The following ZBED6 variants were observed in gnomAD, a reference collection of about 807,000 sequenced individuals.
ZBED6 encodes zinc finger BED-type containing 6.
A neutral mutation model predicts 58.4 loss-of-function variants in ZBED6; 40 were observed. The observed-to-expected ratio is 0.68, with a 90% CI of 0.53 to 0.89. The LOEUF (loss-of-function observed/expected upper bound fraction) is 0.89. Ranked by LOEUF, ZBED6 falls within the 40% of genes least tolerant of loss-of-function variation. ZBED6 has a pLI of 0.00. For synonymous variants in ZBED6, 439 were observed against 350.6 expected, an observed-to-expected ratio of 1.25 and a Z score of -2.82; for missense variants, 1,057 against 1,003.9, an observed-to-expected ratio of 1.05 and a Z score of -0.71.
chr1:203,839,281 G>A (rs1685341043), intron 10 of ZBED6, among the ~76,000 whole-genome samples: 1 of 152,180 alleles, frequency 6.6e-6, no homozygotes, highest in Non-Finnish European at 1.5e-5. Flanking sequence ...CTGGCCTCAA[G>A]CCATCCTTCT....
At chr1:203,845,474 T>G (rs1018317359) in intron 11 of ZBED6, among the ~76,000 whole-genome samples, 2 of 152,202 alleles carry the variant, frequency 1.3e-5, no homozygotes, top group Admixed American at 6.5e-5. Context: ...ATGAAGTCTT[T>G]AGTGTGGTTG....
chr1:203,840,114 A>G (rs1326804793), intron 10 of ZBED6, among the ~76,000 whole-genome samples, 192 bp from the exon 11 acceptor site: 1 of 149,290 alleles, frequency 6.7e-6, no homozygotes, highest in Non-Finnish European at 1.5e-5. Flanking sequence ...AATTTTTGCA[A>G]TTTTAGTAGA....
chr1:203,796,131 G>T (rs1042354508), exon 1 of ZBED6: 3 of 233,344 alleles, frequency 1.3e-5, no homozygotes, highest in Non-Finnish European at 2.5e-5. Flanking sequence ...GGAGCCCGGA[G>T]CAGCCCCGAA....
At chr1:203,841,257 CAT>C (rs1184937342) in intron 11 of ZBED6, among the ~76,000 whole-genome samples, 1 of 151,014 alleles carries the variant, frequency 6.6e-6, no homozygotes, top group Non-Finnish European at 1.5e-5. Context: ...AGCAGATAAA[CAT>C]GTGAACAAGG....
intron 1 of ZBED6, among the ~76,000 whole-genome samples, chr1:203,804,958 C>CT (rs1467185748): frequency 6.6e-6 from 1 of 151,924 alleles, no homozygotes; most frequent in Non-Finnish European, 1.5e-5. Flanking sequence ...CAGGCGTGAG[C>CT]TATTGTGCCC....
chr1:203,837,448 G>A (rs1558132357), intron 9 of ZBED6, among the ~76,000 whole-genome samples: 1 of 149,064 alleles, frequency 6.7e-6, no homozygotes, highest in African/African-American at 2.5e-5. Context: ...TCTTTCCCTT[G>A]TCTCTCTTTT....
intron 9 of ZBED6, chr1:203,835,762 A>T (rs1443110622): frequency 8.3e-6 from 2 of 241,834 alleles, no homozygotes; most frequent in African/African-American, 4.6e-5. Context: ...TTTGCTTTGT[A>T]TACATAAGCA....
intron 3 of ZBED6, among the ~76,000 whole-genome samples, chr1:203,821,989 C>T (rs1462853841): frequency 6.6e-6 from 1 of 152,080 alleles, no homozygotes; most frequent in Non-Finnish European, 1.5e-5. Flanking sequence ...GATCTGCTGA[C>T]CTCGTGATCC....
rs1395901476 is a variant in ZBED6 at position 203,821,508 on chromosome 1, ATTC to A, written c.*2873+2822_*2873+2824del. Among the ~76,000 whole-genome samples, 3 of 152,110 alleles carry A rather than the reference ATTC, an allele frequency of 2.0e-5. No individual in the cohort carries two copies. In the East Asian group the frequency reaches 5.8e-4, roughly 29 times the overall value. The stretch of plus-strand genomic sequence containing the variant: ...TTTGTGTTCTTTTGATGTTTCCATC[ATTC>A]TTTGAGCATCTCTGCTTTTTGGCCT... On this transcript the variant is annotated intron_variant, in intron 3 of 16. Coordinates refer to ENST00000550078, the Ensembl canonical transcript of ZBED6.
exon 17 of ZBED6, chr1:203,853,890 T>C (rs1200466119): frequency 6.5e-6 from 1 of 152,676 alleles, no homozygotes; most frequent in African/African-American, 2.4e-5. Flanking sequence ...AGAGGTAGAA[T>C]GTTCAGGTTT....
chr1:203,803,397 G>T (rs1233152571), intron 1 of ZBED6, among the ~76,000 whole-genome samples: 4 of 152,026 alleles, frequency 2.6e-5, no homozygotes, highest in Non-Finnish European at 5.9e-5. Context: ...CACCATCTTG[G>T]CCAGGCTGGT....
intron 12 of ZBED6, 21 bp from the exon 13 acceptor site, chr1:203,848,310 A>G: frequency 6.3e-7 from 1 of 1,582,616 alleles, no homozygotes; most frequent in South Asian, 1.2e-5. Flanking sequence ...ATAACTAATG[A>G]TGTCTTTAAT....
At chr1:203,798,718 C>T in exon 1 of ZBED6, 3 of 1,536,010 alleles carry the variant, frequency 2.0e-6, no homozygotes, top group Non-Finnish European at 2.6e-6. Context: ...GAGAGAGAAA[C>T]AACATGTTGT....
chr1:203,815,896 G>T (rs1676218877), intron 1 of ZBED6, among the ~76,000 whole-genome samples: 1 of 152,164 alleles, frequency 6.6e-6, no homozygotes, highest in Non-Finnish European at 1.5e-5. Context: ...AGCTTGCTTG[G>T]ACGTTTTAGT....
At position 203,796,799 on chromosome 1, in the gene ZBED6, T is replaced by A. The variant is rs1239606369; in HGVS notation, c.-724T>A. The A allele has an allele frequency of 4.7e-6, 1 of 212,026 alleles. No individual in the cohort carries two copies. Among genetic ancestry groups the A allele is most frequent in the Admixed American group, 5.9e-5 (1 of 17,000 alleles). 13.1% of individuals were successfully genotyped at this position (212,026 alleles called of 1,614,324 possible). A position where few individuals can be genotyped will look rare whatever the true frequency, so the allele number is the denominator to read the frequency against. On this transcript the variant is annotated 5_prime_UTR_variant, in exon 1 of 17. The change abolishes an upstream ATG in the 5' untranslated region. Coordinates refer to ENST00000550078, the Ensembl canonical transcript of ZBED6. The stretch of plus-strand genomic sequence containing the variant: ...CTTAATACAAACAGTACTTTGAAAA[T>A]GCAGCATTTAACCTTGTTTTAAAAT...
At chr1:203,849,826 C>G in exon 14 of ZBED6, 1 of 1,613,960 alleles carries the variant, frequency 6.2e-7, no homozygotes, top group Admixed American at 1.7e-5. Flanking sequence ...GTCTTGACAC[C>G]TCTTCGGGGA....
exon 1 of ZBED6, chr1:203,801,873 C>T (rs1670637225): frequency 6.8e-6 from 1 of 147,966 alleles, no homozygotes; most frequent in African/African-American, 2.5e-5. Flanking sequence ...AATGAAATCT[C>T]AACTCCAAAA....
At position 203,797,014 on chromosome 1, in the gene ZBED6, CTA is replaced by C. The variant is rs1398071844; in HGVS notation, c.-507_-506del. On this transcript the variant is annotated 5_prime_UTR_variant, in exon 1 of 17. An upstream start codon of the reference 5' UTR is lost. Transcript: ENST00000550078. ...TAAATGATGAATGTTGAATGATGCA[CTA>C]TGTTTTTGTTTAAATGAGATTTCCT... 1.3e-5 allele frequency: 2 copies of C among 153,210 alleles called. No homozygotes were observed. The highest frequency in any genetic ancestry group is 2.9e-5 in the Non-Finnish European group (2 of 68,868). The allele number at this position is 153,210 out of a possible 1,614,324, so 9.5% of individuals were successfully genotyped here. A position where few individuals can be genotyped will look rare whatever the true frequency, so the allele number is the denominator to read the frequency against.
In ZBED6 at chr1:203,800,030, C is replaced by T. The variant is rs1334780913; in HGVS notation, c.2508C>T (p.Gly836=). Residue 836 remains glycine, a synonymous_variant, in exon 1 of 17, where the codon GGC becomes GGT. Transcript: ENST00000550078. ...CATTTACCTCATCTCTAAAAGAAGG[C>T]ACCTCCAGTTCAGGTTCTGTTGATA... The T allele has an allele frequency of 2.0e-6, 3 of 1,535,976 alleles. No individual in the cohort carries two copies. The African/African-American group carries it at 4.1e-5, about 21-fold the overall frequency.
Sources: allele counts gnomAD v4.1 joint callset (sites outside exome capture counted in the v4.1 genomes callset), GRCh38; gene constraint gnomAD v4.1.1; transcripts MANE v1.5; gene names NCBI Gene and HGNC (gene_info 2026-07-23, HGNC 2026-07-21).